Variants in COL4A6 observed in about 807,000 individuals in gnomAD.
COL4A6 encodes the protein collagen alpha-6(IV) chain.
Under a neutral mutation model 126.7 loss-of-function variants are expected in COL4A6, and 59 were observed. The observed-to-expected ratio is 0.47, with a 90% CI of 0.38 to 0.58. COL4A6 has a LOEUF of 0.58. Among genes scored for constraint, COL4A6 ranks in the 20% least tolerant of loss-of-function variants. The pLI is 0.00. For synonymous variants in COL4A6, 547 were observed against 496.6 expected (o/e 1.10, Z -1.35); for missense variants, 1,285 against 1,337.3 (o/e 0.96, Z 0.61).
chrX:108,408,640 T>C (rs1304703694), intron 2 of COL4A6, among the ~76,000 whole-genome samples: 3 of 111,939 alleles, frequency 2.7e-5, no homozygotes, highest in East Asian at 5.6e-4. Flanking sequence ...ATAAATATCA[T>C]GCATATGAAC....
intron 2 of COL4A6, among the ~76,000 whole-genome samples, chrX:108,413,872 G>A (rs1027064296): frequency 8.1e-5 from 9 of 111,624 alleles, no homozygotes; most frequent in African/African-American, 2.6e-4. Flanking sequence ...GGTTCTCATC[G>A]GTGCAGAGCT....
chrX:108,167,511 T>C (rs1045400908), intron 37 of COL4A6, among the ~76,000 whole-genome samples: 2 of 110,826 alleles, frequency 1.8e-5, no homozygotes, highest in Non-Finnish European at 3.8e-5. Context: ...AATTTTTGTA[T>C]TTTTTGTAGA....
intron 3 of COL4A6, among the ~76,000 whole-genome samples, chrX:108,251,603 T>C (rs1353790008): frequency 8.9e-6 from 1 of 112,149 alleles, no homozygotes. Flanking sequence ...ATTTACTGCC[T>C]CTGTAGATAC....
chrX:108,438,245 C>G lies in COL4A6; in HGVS notation c.-49G>C. 1 of 1,162,711 alleles carries G rather than the reference C, an allele frequency of 8.6e-7. No individual in the cohort carries two copies. The highest frequency in any genetic ancestry group is 2.1e-5 in the South Asian group (1 of 47,678). On this transcript the variant is annotated 5_prime_UTR_variant, in exon 1 of 45. Coordinates refer to ENST00000334504, the MANE Select transcript of COL4A6 (RefSeq NM_033641.4). ...GTCCCGGGAGACTGCTAAGCGGCTCCGCGGCCCGTGCTCATCTGGGCTCTG... is the reference window on the plus strand; with the variant it reads ...GTCCCGGGAGACTGCTAAGCGGCTCGGCGGCCCGTGCTCATCTGGGCTCTG...
chrX:108,178,427 A>C (rs1187019423), intron 27 of COL4A6, among the ~76,000 whole-genome samples: 2 of 112,302 alleles, frequency 1.8e-5, no homozygotes, highest in Non-Finnish European at 3.8e-5. Context: ...TGAAACCTGA[A>C]AACTGGGCAT....
At chrX:108,340,157 C>G (rs1178602402) in intron 2 of COL4A6, among the ~76,000 whole-genome samples, 1 of 111,142 alleles carries the variant, frequency 9.0e-6, no homozygotes, top group Non-Finnish European at 1.9e-5. Context: ...AAATTATTCT[C>G]CAGGGCAGCA....
In COL4A6 at chrX:108,157,739, A is replaced by C. The variant is rs144049537; in HGVS notation, c.4813-479T>G. Among the ~76,000 whole-genome samples the C allele has an allele frequency of 9.4e-3, 1,047 of 111,676 alleles. 8 individuals are homozygous for C. The highest frequency in any genetic ancestry group is 0.015 in the South Asian group (39 of 2,637). ...AAGAAGGACAGTCCAAAACCTACTG[A>C]AGTTCTCCTTAATTTGTTGTATTTG... On this transcript the variant is annotated intron_variant, in intron 44 of 44. Transcript: ENST00000334504.
chrX:108,386,051 T>C lies in COL4A6; in HGVS notation c.63+51891A>G, dbSNP rs773157086. On this transcript the variant is annotated intron_variant, in intron 2 of 44. Coordinates refer to ENST00000334504, the MANE Select transcript of COL4A6 (RefSeq NM_033641.4). ...TGTCCCTGCAAAGGACATGAACTCA[T>C]GCTTTTTTTATGGCTGCATAGTATT... 3.6e-5 allele frequency among the ~76,000 whole-genome samples: 4 copies of C among 111,864 alleles called. No homozygotes were observed. In the East Asian group the frequency reaches 1.1e-3, roughly 32 times the overall value.
At chrX:108,229,724 C>T (rs1169536205) in intron 3 of COL4A6, among the ~76,000 whole-genome samples, 4 of 112,150 alleles carry the variant, frequency 3.6e-5, no homozygotes, top group African/African-American at 1.3e-4. Flanking sequence ...CTCTGAAAGG[C>T]CCTCAGCATT....
chrX:108,161,505 C>T (rs754818454), intron 42 of COL4A6, 114 bp downstream of exon 42: 150 of 493,724 alleles, frequency 3.0e-4, no homozygotes, highest in Non-Finnish European at 4.7e-4. Flanking sequence ...GAGTGTCAAG[C>T]TCTACCACTG....
At chrX:108,320,940 A>C (rs2147941689) in intron 2 of COL4A6, among the ~76,000 whole-genome samples, 1 of 111,666 alleles carries the variant, frequency 9.0e-6, no homozygotes, top group Admixed American at 9.5e-5. Flanking sequence ...ATCTTCACCT[A>C]CCCTCCTAGA....
Position 108,180,983 on chromosome X carries a change from A to G in COL4A6, c.1952-15T>C. 2 of 1,185,293 alleles carry G rather than the reference A, an allele frequency of 1.7e-6. No homozygotes were observed. Among genetic ancestry groups the G allele is most frequent in the South Asian group, 1.8e-5 (1 of 55,770 alleles). ...CAGGGTGATTCCTGTAAATGGTAAC[A>G]TGTGTGCATTCAGTGAACCCAGAGT... On this transcript the variant is annotated splice_polypyrimidine_tract_variant and intron_variant, in intron 23 of 44. Transcript: ENST00000334504.
At chrX:108,238,765 A>G (rs955245390) in intron 3 of COL4A6, among the ~76,000 whole-genome samples, 3 of 110,989 alleles carry the variant, frequency 2.7e-5, no homozygotes, top group African/African-American at 9.8e-5. Flanking sequence ...AATACCAATG[A>G]GTGCTGTCAG....
intron 2 of COL4A6, among the ~76,000 whole-genome samples, chrX:108,371,686 G>A (rs968570976): frequency 2.8e-5 from 3 of 108,348 alleles, no homozygotes; most frequent in African/African-American, 3.4e-5. Flanking sequence ...GGGCCCAGGA[G>A]GTCGAGGTGG....
At chrX:108,221,192 C>T in intron 4 of COL4A6, 48 bp downstream of exon 4, 1 of 1,202,036 alleles carries the variant, frequency 8.3e-7, no homozygotes, top group Non-Finnish European at 1.1e-6. Context: ...CTGATCTTTA[C>T]ATTTGTGGCC....
chrX:108,305,143 A>C (rs912450507), intron 3 of COL4A6, among the ~76,000 whole-genome samples: 4 of 111,949 alleles, frequency 3.6e-5, no homozygotes, highest in African/African-American at 1.3e-4. Context: ...AATCTTCCCA[A>C]AGAGGTGAAA....
intron 3 of COL4A6, among the ~76,000 whole-genome samples, chrX:108,305,824 A>G (rs1004536785): frequency 9.0e-6 from 1 of 111,646 alleles, no homozygotes; most frequent in African/African-American, 3.3e-5. Flanking sequence ...ACATAGATAG[A>G]ATTTAGGAAG....
chrX:108,179,736 G>A (rs765722167), intron 25 of COL4A6, among the ~76,000 whole-genome samples: 2 of 107,741 alleles, frequency 1.9e-5, no homozygotes, highest in East Asian at 6.0e-4. Flanking sequence ...AGCATCCTGA[G>A]AAAAGTTCAA....
intron 2 of COL4A6, among the ~76,000 whole-genome samples, chrX:108,313,913 C>A (rs2038820977): frequency 9.0e-6 from 1 of 111,382 alleles, no homozygotes; most frequent in African/African-American, 3.3e-5. Context: ...TGCAGTGATT[C>A]TCTCAAATGA....
Sources: gnomAD v4.1 joint callset for allele counts (sites outside exome capture counted in the v4.1 genomes callset) on GRCh38, gnomAD v4.1.1 for gene constraint, MANE v1.5 for transcripts, NCBI Gene and HGNC (gene_info 2026-07-23, HGNC 2026-07-21) for gene names.